ACBD6: variants seen among roughly 807,000 people sequenced by gnomAD.
ACBD6 encodes the protein acyl-CoA-binding domain-containing protein 6.
Under a neutral mutation model 37.2 loss-of-function variants are expected in ACBD6, and 28 were observed. The ratio of observed to expected loss-of-function variants is 0.75; its 90% CI spans 0.56 to 1.03. The LOEUF (loss-of-function observed/expected upper bound fraction) is 1.03. Among genes scored for constraint, ACBD6 ranks in the 50% least tolerant of loss-of-function variants. The pLI is 0.00. For missense variants in ACBD6, 340 were observed against 337.4 expected (o/e 1.01, Z -0.06); for synonymous variants, 113 against 126.8 (o/e 0.89, Z 0.73).
At chr1:180,480,922 CCAGG>C (rs747595276) in intron 3 of ACBD6, among the ~76,000 whole-genome samples, 12 of 151,906 alleles carry the variant, frequency 7.9e-5, no homozygotes, top group African/African-American at 2.9e-4. Flanking sequence ...TCCCAGCTAT[CCAGG>C]AGGCTGAGGC....
At chr1:180,439,547 G>A (rs141344346) in intron 3 of ACBD6, among the ~76,000 whole-genome samples, 240 of 151,514 alleles carry the variant, frequency 1.6e-3, no homozygotes, top group African/African-American at 5.4e-3. Flanking sequence ...CCAAGATTGC[G>A]CTACTGCACT....
intron 3 of ACBD6, among the ~76,000 whole-genome samples, chr1:180,452,347 G>T (rs1047455940): frequency 5.9e-5 from 9 of 152,100 alleles, no homozygotes; most frequent in Admixed American, 1.3e-4. Flanking sequence ...GCACGTGCCA[G>T]TAGTCCCAGC....
intron 6 of ACBD6, among the ~76,000 whole-genome samples, chr1:180,342,486 G>T (rs1652018427): frequency 6.6e-6 from 1 of 151,840 alleles, no homozygotes. Context: ...GCATACAATA[G>T]GCACTTAAGA....
chr1:180,394,151 T>C (rs570548279), intron 6 of ACBD6, among the ~76,000 whole-genome samples: 1 of 152,286 alleles, frequency 6.6e-6, no homozygotes, highest in South Asian at 2.1e-4. Context: ...TGGAATGCAG[T>C]GGCACAATCA....
At chr1:180,474,279 T>C (rs990346222) in intron 3 of ACBD6, among the ~76,000 whole-genome samples, 13 of 152,116 alleles carry the variant, frequency 8.5e-5, no homozygotes, top group African/African-American at 3.1e-4. Flanking sequence ...TATTGCTCTT[T>C]AAAAAGTTAT....
At chr1:180,486,349 T>A (rs1469446927) in intron 3 of ACBD6, among the ~76,000 whole-genome samples, 1 of 152,192 alleles carries the variant, frequency 6.6e-6, no homozygotes, top group Non-Finnish European at 1.5e-5. Flanking sequence ...GCAAACCAAA[T>A]GAAGCTCATA....
intron 3 of ACBD6, among the ~76,000 whole-genome samples, chr1:180,484,466 T>C (rs1651179022): frequency 1.3e-5 from 2 of 152,176 alleles, no homozygotes; most frequent in Non-Finnish European, 2.9e-5. Context: ...AATGAGTAAC[T>C]ACATTGAGGA....
chr1:180,349,724 T>C lies in ACBD6; in HGVS notation c.664-35002A>G, dbSNP rs192770023. Among the ~76,000 whole-genome samples the C allele has an allele frequency of 3.9e-5, 6 of 152,246 alleles. No individual in the cohort carries two copies. In the East Asian group the frequency reaches 1.2e-3, roughly 29 times the overall value. On this transcript the variant is annotated intron_variant, in intron 6 of 7. Coordinates refer to ENST00000367595, the MANE Select transcript of ACBD6 (RefSeq NM_032360.4). ...CCTTGTTTATTAGTGGGCCTTTCTC[T>C]TTAATATTGTTTTATCCTGAAATAA...
intron 6 of ACBD6, among the ~76,000 whole-genome samples, chr1:180,335,870 T>C (rs1205418821): frequency 7.8e-6 from 1 of 127,392 alleles, no homozygotes; most frequent in African/African-American, 2.7e-5. Flanking sequence ...TCCTAGTCTC[T>C]GATAAAACAG....
chr1:180,488,524 G>A (rs1651365243), intron 3 of ACBD6, among the ~76,000 whole-genome samples: 1 of 151,818 alleles, frequency 6.6e-6, no homozygotes, highest in Non-Finnish European at 1.5e-5. Context: ...GTTAACAACA[G>A]GGCTCTGGAC....
At chr1:180,455,801 A>G (rs1278543799) in intron 3 of ACBD6, among the ~76,000 whole-genome samples, 1 of 152,238 alleles carries the variant, frequency 6.6e-6, no homozygotes, top group Non-Finnish European at 1.5e-5. Flanking sequence ...CCACCATCTT[A>G]GAATTACATT....
intron 4 of ACBD6, among the ~76,000 whole-genome samples, chr1:180,423,213 G>T (rs1044628797): frequency 6.6e-6 from 1 of 152,096 alleles, no homozygotes; most frequent in African/African-American, 2.4e-5. Flanking sequence ...TTCCAAAAAA[G>T]TTTCCAATAT....
chr1:180,480,944 T>A (rs1350339884), intron 3 of ACBD6, among the ~76,000 whole-genome samples: 2 of 151,928 alleles, frequency 1.3e-5, no homozygotes, highest in Non-Finnish European at 2.9e-5. Flanking sequence ...GGCAGGAGAA[T>A]TGCTGGAACC....
rs924378191 is a variant in ACBD6, at chr1:180,274,847, C to A, written c.*740G>T. On this transcript the variant is annotated 3_prime_UTR_variant, in exon 10 of 14. Coordinates refer to the ACBD6 transcript ENST00000642319. ...AGGGACACTGGCTTGTTGGGTCTCTCCCCTGCTGTTCTGCTTAGGGGCTTG... is the reference window on the plus strand; with the variant it reads ...AGGGACACTGGCTTGTTGGGTCTCTACCCTGCTGTTCTGCTTAGGGGCTTG... 7 of 393,834 alleles carry A rather than the reference C, an allele frequency of 1.8e-5. No homozygotes were observed. In the Admixed American group the frequency reaches 2.8e-4, roughly 15 times the overall value. The allele number at this position is 393,834 out of a possible 1,614,324, so 24.4% of individuals were successfully genotyped here. A position where few individuals can be genotyped will look rare whatever the true frequency, so the allele number is the denominator to read the frequency against.
chr1:180,292,065 T>G (rs140878561), intron 7 of ACBD6, among the ~76,000 whole-genome samples: 2 of 152,340 alleles, frequency 1.3e-5, no homozygotes, highest in African/African-American at 4.8e-5. Flanking sequence ...CAATACAACA[T>G]TGGCTTGATT....
chr1:180,276,993 G>C (rs933034434), intron 9 of ACBD6: 1 of 152,208 alleles, frequency 6.6e-6, no homozygotes, highest in Non-Finnish European at 1.5e-5. Flanking sequence ...GAGGAACTCA[G>C]TGAGCAGTTG....
At chr1:180,500,918 T>C (rs1339851031) in intron 1 of ACBD6, among the ~76,000 whole-genome samples, 2 of 152,144 alleles carry the variant, frequency 1.3e-5, no homozygotes, top group Non-Finnish European at 2.9e-5. Flanking sequence ...CTGCATTCTC[T>C]GTAGGCATTA....
chr1:180,475,823 A>C (rs192024009), intron 3 of ACBD6, among the ~76,000 whole-genome samples: 36 of 152,342 alleles, frequency 2.4e-4, no homozygotes, highest in Admixed American at 1.8e-3. Context: ...CATGTAAAAA[A>C]ATAAAGTAAA....
At chr1:180,320,123 A>T (rs1375772078) in intron 6 of ACBD6, among the ~76,000 whole-genome samples, 1 of 152,198 alleles carries the variant, frequency 6.6e-6, no homozygotes, top group Non-Finnish European at 1.5e-5. Context: ...TTCCCACAAC[A>T]GTGTATAAGG....
Sources: gnomAD v4.1 joint callset for allele counts (sites outside exome capture counted in the v4.1 genomes callset) on GRCh38, gnomAD v4.1.1 for gene constraint, MANE v1.5 for transcripts, NCBI Gene and HGNC (gene_info 2026-07-23, HGNC 2026-07-21) for gene names.